KLC1: variants seen among roughly 807,000 people sequenced by gnomAD.
KLC1 encodes the protein kinesin 2 60/70kDa.
In KLC1, 30 loss-of-function variants were observed where a neutral mutation model predicts 84.2. That is an observed-to-expected ratio of 0.36 (90% confidence interval 0.27 to 0.48). KLC1 has a LOEUF of 0.48. Ranked by LOEUF, KLC1 falls within the 20% of genes least tolerant of loss-of-function variation. The pLI is 0.99. For missense variants in KLC1, 499 were observed against 805.4 expected (o/e 0.62, Z 4.60); for synonymous variants, 289 against 293.3 (o/e 0.99, Z 0.15).
chr14:103,662,092 T>G, intron 3 of KLC1, 24 bp from the exon 4 acceptor site: 2 of 1,549,504 alleles, frequency 1.3e-6, no homozygotes. Context: ...TAAGATGAAG[T>G]GTTGTCCTGG....
chr14:103,685,851 T>C (rs2081742044), intron 13 of KLC1: 1 of 1,176,388 alleles, frequency 8.5e-7, no homozygotes, highest in African/African-American at 1.6e-5. Context: ...GCCAGATATG[T>C]ACTTAGTAAT....
chr14:103,682,472 G>A (rs966588305), intron 13 of KLC1: 9 of 152,024 alleles, frequency 5.9e-5, no homozygotes, highest in Non-Finnish European at 1.0e-4. Flanking sequence ...ATCATTTGAG[G>A]TTAGTAGTTT....
At chr14:103,635,824 G>C (rs2151285829) in intron 1 of KLC1, among the ~76,000 whole-genome samples, 1 of 152,094 alleles carries the variant, frequency 6.6e-6, no homozygotes, top group African/African-American at 2.4e-5. Context: ...GAGGGTGAGA[G>C]AGGGGAAGTT....
Position 103,694,818 on chromosome 14 carries a change from T to C in KLC1, c.1848+2393T>C. On this transcript the variant is annotated intron_variant, in intron 15 of 16. Coordinates refer to ENST00000334553, the MANE Select transcript of KLC1 (RefSeq NM_001394837.1). The surrounding 1 kb of genome is among the most constrained non-coding windows in gnomAD (Gnocchi z 4.5). Reference sequence around the variant, plus strand: ...TGGGGCACGAAGGCTGGGGACAGAGTGTCCTGAGGTTTTGTTACAAGGCTA... The same window carrying C: ...TGGGGCACGAAGGCTGGGGACAGAGCGTCCTGAGGTTTTGTTACAAGGCTA... 1 of 985,470 alleles carries C rather than the reference T, an allele frequency of 1.0e-6. No homozygotes were observed. The highest frequency in any genetic ancestry group is 4.7e-5 in the South Asian group (1 of 21,292). The allele number at this position is 985,470 out of a possible 1,614,324, so 61.0% of individuals were successfully genotyped here.
At chr14:103,684,593 G>C (rs527406527) in intron 13 of KLC1, among the ~76,000 whole-genome samples, 1 of 152,368 alleles carries the variant, frequency 6.6e-6, no homozygotes, top group South Asian at 2.1e-4. Flanking sequence ...CAGAGGCTCA[G>C]GGAGGAGGAG....
At chr14:103,643,952 A>G (rs1008207551) in intron 1 of KLC1, among the ~76,000 whole-genome samples, 2 of 152,026 alleles carry the variant, frequency 1.3e-5, no homozygotes, top group African/African-American at 4.8e-5. Flanking sequence ...ACGGTGGCTC[A>G]CGCCTGTAAT....
intron 2 of KLC1, among the ~76,000 whole-genome samples, chr14:103,656,629 G>A (rs1378615863): frequency 4.6e-5 from 7 of 152,154 alleles, no homozygotes; most frequent in Non-Finnish European, 8.8e-5. Context: ...ACAGCCTTGA[G>A]TTGCAGAACT....
At chr14:103,642,464 C>G (rs992984007) in intron 1 of KLC1, among the ~76,000 whole-genome samples, 14 of 151,990 alleles carry the variant, frequency 9.2e-5, no homozygotes. Context: ...GATATTTTTC[C>G]CATGGTTAAG....
chr14:103,694,846 C>CT lies in KLC1; in HGVS notation c.1848+2424dup, dbSNP rs2082330150. On this transcript the variant is annotated intron_variant, in intron 15 of 16. Transcript: ENST00000334553. This position sits in a 1 kb window ranked among gnomAD's most constrained non-coding sequence, Gnocchi z 4.5. Reference sequence around the variant, plus strand: ...CCTGAGGTTTTGTTACAAGGCTAGACTTTAAAATACCTTTCAAAGTTTCAT... The same window carrying CT: ...CCTGAGGTTTTGTTACAAGGCTAGACTTTTAAAATACCTTTCAAAGTTTCAT... 3.0e-6 allele frequency: 3 copies of CT among 985,396 alleles called. No individual in the cohort carries two copies. The highest frequency in any genetic ancestry group is 3.6e-6 in the Non-Finnish European group (3 of 829,960). 61.0% of individuals were successfully genotyped at this position (985,396 alleles called of 1,614,324 possible).
chr14:103,677,438 A>G lies in KLC1; in HGVS notation c.1403A>G (p.Lys468Arg), dbSNP rs576202044. The change falls in exon 12 of 17, where the codon AAA becomes AGA. Residue 468 changes from lysine (K) to arginine (R), a missense_variant. This residue lies in a region of KLC1 where 153 missense variants were observed against 332.4 expected (regional missense o/e 0.46). Transcript: ENST00000334553. ...VDSPTVTTTLKNLGALYRRQG... is the reference protein window; with the variant it reads ...VDSPTVTTTLRNLGALYRRQG... Reference sequence around the variant, plus strand: ...AGTCCAACTGTTACAACCACTCTAAAAAACCTTGGGGCACTTTACAGACGT... The same window carrying G: ...AGTCCAACTGTTACAACCACTCTAAGAAACCTTGGGGCACTTTACAGACGT... 6.2e-7 allele frequency: 1 copy of G among 1,613,514 alleles called. No individual in the cohort carries two copies. The highest frequency in any genetic ancestry group is 1.3e-5 in the African/African-American group (1 of 75,048).
chr14:103,685,555 G>A, intron 13 of KLC1: 3 of 1,288,974 alleles, frequency 2.3e-6, no homozygotes, highest in Non-Finnish European at 2.0e-6. Flanking sequence ...TAGAAATACT[G>A]TAAGCCAGGC....
At position 103,701,259 on chromosome 14, in the gene KLC1, C is replaced by T. The variant is rs909133; in HGVS notation, c.*60C>T. On this transcript the variant is annotated 3_prime_UTR_variant, in exon 17 of 17. Coordinates refer to ENST00000334553, the MANE Select transcript of KLC1 (RefSeq NM_001394837.1). Reference sequence around the variant, plus strand: ...TGCCGAGTGTGGCCCGGAGCTGGCCCGGGACAGCCAGGGCGGCAGGGAGGG... The same window carrying T: ...TGCCGAGTGTGGCCCGGAGCTGGCCTGGGACAGCCAGGGCGGCAGGGAGGG... 8,686 of 1,538,082 alleles carry T rather than the reference C, an allele frequency of 5.6e-3. 412 individuals are homozygous for T. In the African/African-American group the frequency reaches 0.11, roughly 19 times the overall value.
At chr14:103,688,280 G>T (rs2081905757) in intron 14 of KLC1, among the ~76,000 whole-genome samples, 1 of 152,142 alleles carries the variant, frequency 6.6e-6, no homozygotes, top group African/African-American at 2.4e-5. Context: ...CTCCCAAGTA[G>T]CTGGGATTAC....
At chr14:103,680,517 G>C (rs1342826677) in intron 13 of KLC1, among the ~76,000 whole-genome samples, 1 of 152,162 alleles carries the variant, frequency 6.6e-6, no homozygotes, top group Non-Finnish European at 1.5e-5. Flanking sequence ...GTAGGAGCTA[G>C]CATTCTAAAT....
Position 103,693,952 on chromosome 14 carries a change from T to C in KLC1, c.1848+1527T>C, listed in dbSNP as rs1388364866. ...TGTTGCATTTCCTGCCTGCCACCTTTTTGCCATGACACCAGACTCTCTTTT... is the reference window on the plus strand; with the variant it reads ...TGTTGCATTTCCTGCCTGCCACCTTCTTGCCATGACACCAGACTCTCTTTT... On this transcript the variant is annotated intron_variant, in intron 15 of 16. Transcript: ENST00000334553. This position sits in a 1 kb window ranked among gnomAD's most constrained non-coding sequence, Gnocchi z 5.1. 8.3e-7 allele frequency: 1 copy of C among 1,205,196 alleles called. No homozygotes were observed. The highest frequency in any genetic ancestry group is 1.0e-6 in the Non-Finnish European group (1 of 966,608). 74.7% of individuals were successfully genotyped at this position (1,205,196 alleles called of 1,614,324 possible). A position where few individuals can be genotyped will look rare whatever the true frequency, so the allele number is the denominator to read the frequency against.
chr14:103,659,020 C>T (rs1268223317), intron 3 of KLC1, among the ~76,000 whole-genome samples: 2 of 151,280 alleles, frequency 1.3e-5, no homozygotes, highest in East Asian at 3.9e-4. Context: ...TTTTGTACCC[C>T]AGGCTGGAGT....
chr14:103,700,738 C>T lies in KLC1; in HGVS notation c.*1+11C>T, dbSNP rs861537. The T allele has an allele frequency of 0.66, 1,038,020 of 1,576,310 alleles. 348,635 individuals are homozygous for T. The highest frequency in any genetic ancestry group is 0.7 in the Non-Finnish European group (812,842 of 1,161,000). On this transcript the variant is annotated intron_variant, in intron 16 of 16. Coordinates refer to ENST00000334553, the MANE Select transcript of KLC1 (RefSeq NM_001394837.1). ...GACGCCACCGCTAACGTGAGTCCCA[C>T]GGCCTGCAGCCCCAGGAAGCAGGCA...
chr14:103,684,855 G>T (rs2081651788), intron 13 of KLC1: 2 of 676,854 alleles, frequency 3.0e-6, no homozygotes, highest in South Asian at 1.6e-5. Flanking sequence ...GAACAGCAGG[G>T]GCTGCACTGT....
chr14:103,633,534 G>A (rs1653959412), intron 1 of KLC1, among the ~76,000 whole-genome samples: 1 of 152,152 alleles, frequency 6.6e-6, no homozygotes, highest in African/African-American at 2.4e-5. Context: ...GGCAGGGGCT[G>A]GGCTGTAAGG....
Sources: allele counts gnomAD v4.1 joint callset (sites outside exome capture counted in the v4.1 genomes callset), GRCh38; gene constraint gnomAD v4.1.1; regional missense constraint gnomAD v4.1.1; non-coding constraint Gnocchi (gnomAD v3.1); transcripts MANE v1.5; gene names NCBI Gene and HGNC (gene_info 2026-07-23, HGNC 2026-07-21).